DNM1: variants seen among roughly 807,000 people sequenced by gnomAD.
DNM1 encodes dynamin-1.
Under a neutral mutation model 104.6 loss-of-function variants are expected in DNM1, and 29 were observed. The observed-to-expected ratio is 0.28, with a 90% confidence interval of 0.21 to 0.38. The LOEUF is 0.38. DNM1 is among the 10% of genes least tolerant of loss of function. The pLI, the probability that DNM1 is intolerant of heterozygous loss-of-function variation, is 1.00. For missense variants in DNM1, 640 were observed against 1,189.4 expected (o/e 0.54, Z 6.79); for synonymous variants, 445 against 475.8 (o/e 0.94, Z 0.84).
intron 20 of DNM1, 84 bp downstream of exon 20, chr9:128,250,440 C>G: frequency 7.2e-7 from 1 of 1,393,038 alleles, no homozygotes; most frequent in Non-Finnish European, 9.5e-7. Context: ...GTGGCGCGCC[C>G]GCGTCACCGG....
chr9:128,249,192 C>CA (rs113241852), intron 19 of DNM1, among the ~76,000 whole-genome samples: 199 of 117,818 alleles, frequency 1.7e-3, no homozygotes, highest in Middle Eastern at 4.9e-3. Flanking sequence ...GACTCCATCT[C>CA]AAAAAAAAAA....
intron 19 of DNM1, among the ~76,000 whole-genome samples, chr9:128,249,328 A>C (rs1399285989): frequency 6.6e-6 from 1 of 151,964 alleles, no homozygotes; most frequent in Non-Finnish European, 1.5e-5. Context: ...TGGGCAACAC[A>C]GTGAGACTTT....
Position 128,220,461 on chromosome 9 carries a change from G to A in DNM1, c.849+120G>A, listed in dbSNP as rs1465535778. Reference sequence around the variant, plus strand: ...TCCGTAGTGCAGATAGACAAACTGAGCCTCAGAAAAGCAAAGCAACTTGCC... The same window carrying A: ...TCCGTAGTGCAGATAGACAAACTGAACCTCAGAAAAGCAAAGCAACTTGCC... On this transcript the variant is annotated intron_variant, in intron 6 of 21. Transcript: ENST00000372923. The surrounding 1 kb of genome is among the most constrained non-coding windows in gnomAD (Gnocchi z 5.2). 7.5e-7 allele frequency: 1 copy of A among 1,334,400 alleles called. No individual in the cohort carries two copies. The highest frequency in any genetic ancestry group is 1.5e-5 in the African/African-American group (1 of 68,678). The allele number at this position is 1,334,400 out of a possible 1,614,324, so 82.7% of individuals were successfully genotyped here. A position where few individuals can be genotyped will look rare whatever the true frequency, so the allele number is the denominator to read the frequency against.
intron 1 of DNM1, among the ~76,000 whole-genome samples, chr9:128,208,878 C>T (rs930167620): frequency 2.6e-5 from 4 of 152,264 alleles, no homozygotes; most frequent in South Asian, 2.1e-4. Flanking sequence ...AAGACTAGGA[C>T]GTGGTCAAGC....
intron 1 of DNM1, among the ~76,000 whole-genome samples, chr9:128,213,383 T>C (rs1158603964): frequency 6.6e-6 from 1 of 152,050 alleles, no homozygotes; most frequent in South Asian, 2.1e-4. Flanking sequence ...CACCTTGTCA[T>C]TTTCTGAATC....
intron 11 of DNM1, 95 bp from the exon 12 acceptor site, chr9:128,239,350 A>T: frequency 1.1e-6 from 1 of 880,746 alleles, no homozygotes; most frequent in Non-Finnish European, 1.9e-6. Flanking sequence ...CTAACCTCCT[A>T]TATGTGCTGC....
At chr9:128,209,078 C>A (rs1834139867) in intron 1 of DNM1, among the ~76,000 whole-genome samples, 1 of 141,050 alleles carries the variant, frequency 7.1e-6, no homozygotes, top group Admixed American at 6.7e-5. Context: ...CCCTTTGACA[C>A]CCCCCCACCC....
chr9:128,254,480 C>T lies in DNM1; in HGVS notation c.2535-174C>T. 6.6e-7 allele frequency: 1 copy of T among 1,504,566 alleles called. No homozygotes were observed. Among genetic ancestry groups the T allele is most frequent in the Non-Finnish European group, 8.8e-7 (1 of 1,135,128 alleles). 93.2% of individuals were successfully genotyped at this position (1,504,566 alleles called of 1,614,324 possible). On this transcript the variant is annotated intron_variant, in intron 21 of 21. Transcript: ENST00000372923. The surrounding 1 kb of genome is among the most constrained non-coding windows in gnomAD (Gnocchi z 6.1). ...CCTCCCTCCATCTTCCTCCCCTTTC[C>T]CTTCCAGCCCCTTTTCCAGGAACCT...
At position 128,203,405 on chromosome 9, in the gene DNM1, G is replaced by T; in HGVS notation, c.-66G>T. The T allele has an allele frequency of 7.4e-7, 1 of 1,343,156 alleles. No homozygotes were observed. Among genetic ancestry groups the T allele is most frequent in the Non-Finnish European group, 9.6e-7 (1 of 1,046,134 alleles). The allele number at this position is 1,343,156 out of a possible 1,614,324, so 83.2% of individuals were successfully genotyped here. On this transcript the variant is annotated 5_prime_UTR_variant, in exon 1 of 22. Coordinates refer to ENST00000372923, the MANE Select transcript of DNM1 (RefSeq NM_004408.4). This position sits in a 1 kb window ranked among gnomAD's most constrained non-coding sequence, Gnocchi z 5.3. ...GTCTGGGCGCGCGGCTGCAGCGGCGGAGCCGGAGTCGGAGCCGGGAGCGCT... is the reference window on the plus strand; with the variant it reads ...GTCTGGGCGCGCGGCTGCAGCGGCGTAGCCGGAGTCGGAGCCGGGAGCGCT...
In DNM1 at chr9:128,243,778, C is replaced by T. The variant is rs1458697300; in HGVS notation, c.1671+1433C>T. Among the ~76,000 whole-genome samples the T allele has an allele frequency of 6.6e-6, 1 of 152,130 alleles. No individual in the cohort carries two copies. Among genetic ancestry groups the T allele is most frequent in the Non-Finnish European group, 1.5e-5 (1 of 68,014 alleles). ...CGGGTGACACTGTGGGGGAGGGGCA[C>T]GTGCCACTGAGGGGGTCCCCTGATC... On this transcript the variant is annotated intron_variant, in intron 15 of 21. Transcript: ENST00000372923. This position sits in a 1 kb window ranked among gnomAD's most constrained non-coding sequence, Gnocchi z 4.0.
chr9:128,204,281 T>C (rs535398398), intron 1 of DNM1: 2 of 152,464 alleles, frequency 1.3e-5, no homozygotes, highest in South Asian at 4.1e-4. Context: ...AAACCACTTC[T>C]TATCCTTTTC....
rs1457120183 is a variant in DNM1, at chr9:128,248,058, G to C, written c.1905+123G>C. 1.5e-6 allele frequency: 2 copies of C among 1,348,520 alleles called. No homozygotes were observed. Among genetic ancestry groups the C allele is most frequent in the Non-Finnish European group, 2.1e-6 (2 of 943,990 alleles). The allele number at this position is 1,348,520 out of a possible 1,614,324, so 83.5% of individuals were successfully genotyped here. ...AATTTCTGGATTGGGGCCAGGCGCA[G>C]TGGCTCACACCTGTAAACCCAACAC... On this transcript the variant is annotated intron_variant, in intron 18 of 21. Transcript: ENST00000372923. This position sits in a 1 kb window ranked among gnomAD's most constrained non-coding sequence, Gnocchi z 5.6.
chr9:128,205,311 G>A (rs758663400), intron 1 of DNM1, among the ~76,000 whole-genome samples: 11 of 152,176 alleles, frequency 7.2e-5, no homozygotes, highest in Non-Finnish European at 1.3e-4. Flanking sequence ...TTCAGGCTTG[G>A]GGTAGGGAGG....
chr9:128,251,026 C>A, intron 21 of DNM1, 86 bp downstream of exon 21: 1 of 916,570 alleles, frequency 1.1e-6, no homozygotes, highest in Non-Finnish European at 1.7e-6. Context: ...AGCATCGGAC[C>A]TGGCCGCCAG....
chr9:128,233,690 C>A (rs1369773135), intron 10 of DNM1: 6 of 386,512 alleles, frequency 1.6e-5, no homozygotes, highest in Non-Finnish European at 2.9e-5. Flanking sequence ...GAGGCCTTAA[C>A]CTAACCAGTC....
rs183807703 is a variant in DNM1 at position 128,254,098 on chromosome 9, C to T, written c.2535-556C>T. The T allele has an allele frequency of 2.5e-4, 312 of 1,259,038 alleles. 1 individual carries two copies. The African/African-American group carries it at 4.1e-3, about 17-fold the overall frequency. 78.0% of individuals were successfully genotyped at this position (1,259,038 alleles called of 1,614,324 possible). On this transcript the variant is annotated intron_variant, in intron 21 of 21. Transcript: ENST00000372923. The surrounding 1 kb of genome is among the most constrained non-coding windows in gnomAD (Gnocchi z 6.1). ...TTATAAGTCTATGGCCACTGGCATC[C>T]GGCTGCCTGCCCTCCCTGCCTCCCC... is the stretch of plus-strand genomic sequence containing the variant.
chr9:128,249,180 G>A (rs1829353368), intron 19 of DNM1, among the ~76,000 whole-genome samples: 1 of 134,520 alleles, frequency 7.4e-6, no homozygotes, highest in Non-Finnish European at 1.6e-5. Context: ...CCGACAGAGC[G>A]AGACTCCATC....
chr9:128,250,458 C>T, intron 20 of DNM1, 102 bp downstream of exon 20: 1 of 1,305,874 alleles, frequency 7.7e-7, no homozygotes, highest in Non-Finnish European at 1.0e-6. Context: ...CGGGGTGGCT[C>T]CCACCTGGAG....
chr9:128,248,855 G>A lies in DNM1; in HGVS notation c.2076+102G>A. 1 of 1,331,480 alleles carries A rather than the reference G, an allele frequency of 7.5e-7. No individual in the cohort carries two copies. The highest frequency in any genetic ancestry group is 1.1e-6 in the Non-Finnish European group (1 of 945,182). 82.5% of individuals were successfully genotyped at this position (1,331,480 alleles called of 1,614,324 possible). A position where few individuals can be genotyped will look rare whatever the true frequency, so the allele number is the denominator to read the frequency against. The stretch of plus-strand genomic sequence containing the variant: ...ATGCCAACCAGCCCTATGGGACCAG[G>A]TCCAGGGAGGGAGGCACGGTCCAGA... On this transcript the variant is annotated intron_variant, in intron 19 of 21. Transcript: ENST00000372923. This position sits in a 1 kb window ranked among gnomAD's most constrained non-coding sequence, Gnocchi z 5.6.
Sources: gnomAD v4.1 joint callset for allele counts (sites outside exome capture counted in the v4.1 genomes callset) on GRCh38, gnomAD v4.1.1 for gene constraint, Gnocchi (gnomAD v3.1) non-coding constraint, MANE v1.5 for transcripts, NCBI Gene and HGNC (gene_info 2026-07-23, HGNC 2026-07-21) for gene names.